Variants in UTS2B observed in about 807,000 individuals in gnomAD.
The protein encoded by UTS2B is urotensin-2B.
UTS2B carries 21 observed loss-of-function variants against 19.2 expected under a neutral mutation model. The ratio of observed to expected loss-of-function variants is 1.09; its 90% CI spans 0.78 to 1.58. The LOEUF is 1.58. Among genes scored for constraint, UTS2B ranks in the 40% most tolerant of loss-of-function variants. The pLI is 0.00. For missense variants in UTS2B, 138 were observed against 130.3 expected, an observed-to-expected ratio of 1.06 and a Z score of -0.29; for synonymous variants, 57 against 50.2, an observed-to-expected ratio of 1.14 and a Z score of -0.58.
upstream of UTS2B, among the ~76,000 whole-genome samples, chr3:191,332,583 T>C (rs1294385171): frequency 6.6e-6 from 1 of 152,228 alleles, no homozygotes; most frequent in Non-Finnish European, 1.5e-5. Flanking sequence ...GGTCTATAAC[T>C]GAAATGCAAA....
At chr3:191,333,379 A>T (rs1718050576), upstream of UTS2B, among the ~76,000 whole-genome samples, 1 of 152,190 alleles carries the variant, frequency 6.6e-6, no homozygotes, top group African/African-American at 2.4e-5. Flanking sequence ...AAGATATAAA[A>T]TTATGTCTGG....
At chr3:191,325,848 C>A (rs1031603404) in intron 2 of UTS2B, among the ~76,000 whole-genome samples, 1 of 152,194 alleles carries the variant, frequency 6.6e-6, no homozygotes, top group Non-Finnish European at 1.5e-5. Context: ...GTTCTGACAC[C>A]TTGCTCTTGG....
upstream of UTS2B, among the ~76,000 whole-genome samples, chr3:191,332,769 A>G (rs746150174): frequency 1.3e-5 from 2 of 152,232 alleles, no homozygotes; most frequent in Non-Finnish European, 2.9e-5. Flanking sequence ...TTTCTGAACC[A>G]GCAATCAAGA....
At chr3:191,268,532 G>C in intron 8 of UTS2B, 91 bp from the exon 9 acceptor site, 1 of 878,566 alleles carries the variant, frequency 1.1e-6, no homozygotes, top group Non-Finnish European at 1.7e-6. Context: ...CTGAATGCGA[G>C]AGTTAAGTTT....
At chr3:191,284,529 TCA>T (rs3048627) in intron 4 of UTS2B, among the ~76,000 whole-genome samples, 75,646 of 149,954 alleles carry the variant, frequency 0.5, 20,787 homozygotes, top group Middle Eastern at 0.62. Context: ...ACCATGCTGG[TCA>T]CACGCTGGTC....
intron 3 of UTS2B, among the ~76,000 whole-genome samples, chr3:191,310,854 T>G (rs992412883): frequency 6.6e-5 from 10 of 152,218 alleles, no homozygotes; most frequent in African/African-American, 2.4e-4. Context: ...CTACATCTCT[T>G]AAATATTTGA....
chr3:191,317,769 G>A (rs986416023), intron 2 of UTS2B, among the ~76,000 whole-genome samples: 4 of 152,174 alleles, frequency 2.6e-5, no homozygotes, highest in East Asian at 3.9e-4. Flanking sequence ...TAGTAGAGAC[G>A]GTGTTTCAGC....
intron 8 of UTS2B, among the ~76,000 whole-genome samples, chr3:191,272,901 A>G (rs753132688): frequency 8.7e-5 from 13 of 149,976 alleles, no homozygotes; most frequent in Non-Finnish European, 4.4e-5. Context: ...ACAGTGCCTC[A>G]TGTCTGTAAT....
intron 2 of UTS2B, chr3:191,328,342 TG>T (rs1375198965): frequency 1.3e-5 from 2 of 152,270 alleles, no homozygotes; most frequent in Non-Finnish European, 2.9e-5. Context: ...CCAGCTGCTC[TG>T]GGGATATCCT....
intron 3 of UTS2B, among the ~76,000 whole-genome samples, chr3:191,310,484 G>A (rs1160133731): frequency 1.3e-5 from 2 of 152,186 alleles, no homozygotes; most frequent in East Asian, 3.8e-4. Context: ...TATTTAGTGT[G>A]CAGAAATCAT....
At chr3:191,296,816 A>G (rs1716869461) in intron 4 of UTS2B, among the ~76,000 whole-genome samples, 1 of 152,202 alleles carries the variant, frequency 6.6e-6, no homozygotes, top group Non-Finnish European at 1.5e-5. Context: ...TGCCTAGAGG[A>G]AAAGATAGCA....
rs74614276 is a variant in UTS2B, at chr3:191,322,630, G to T, written c.-586+6001C>A. 1.3e-3 allele frequency among the ~76,000 whole-genome samples: 192 copies of T among 152,208 alleles called. 3 individuals are homozygous for T. The East Asian group carries it at 0.035, about 27-fold the overall frequency. On this transcript the variant is annotated intron_variant, in intron 2 of 8. Coordinates refer to ENST00000340524, the MANE Select transcript of UTS2B (RefSeq NM_198152.5). ...GAGCAGAAAACTATAATAGCTGAAG[G>T]GGACTGGAGATATGACAAATGTTTG...
chr3:191,269,174 C>T (rs987334505), intron 8 of UTS2B, among the ~76,000 whole-genome samples: 1 of 152,112 alleles, frequency 6.6e-6, no homozygotes, highest in Non-Finnish European at 1.5e-5. Context: ...AAAACTAAGC[C>T]CCTTGGGAGA....
At chr3:191,336,188 C>A in the UTS2B span, among the ~76,000 whole-genome samples, 3 of 150,300 alleles carry the variant, frequency 2.0e-5, no homozygotes, top group Non-Finnish European at 4.4e-5. Context: ...TTGTTTCCCT[C>A]GAATGGACTT....
intron 8 of UTS2B, among the ~76,000 whole-genome samples, chr3:191,274,927 T>C (rs1220518456): frequency 2.0e-5 from 3 of 152,236 alleles, no homozygotes; most frequent in African/African-American, 7.2e-5. Context: ...GAATTTTAAA[T>C]TGACTTAAAA....
intron 2 of UTS2B, among the ~76,000 whole-genome samples, chr3:191,323,341 G>C (rs890273147): frequency 1.3e-5 from 2 of 151,952 alleles, no homozygotes; most frequent in African/African-American, 4.8e-5. Context: ...GCTAATTCTT[G>C]TATTTTTAGT....
chr3:191,291,144 C>A (rs1311573753), intron 4 of UTS2B, among the ~76,000 whole-genome samples: 1 of 151,908 alleles, frequency 6.6e-6, no homozygotes, highest in Admixed American at 6.6e-5. Context: ...AAATACTTGG[C>A]CCTTTTTAAA....
chr3:191,275,920 G>T (rs1244220183), intron 7 of UTS2B, among the ~76,000 whole-genome samples: 2 of 152,100 alleles, frequency 1.3e-5, no homozygotes, highest in African/African-American at 4.8e-5. Context: ...AACAGGTTTT[G>T]GGCAAAGGAA....
At chr3:191,294,070 T>G (rs1716793780) in intron 4 of UTS2B, among the ~76,000 whole-genome samples, 1 of 151,736 alleles carries the variant, frequency 6.6e-6, no homozygotes, top group Non-Finnish European at 1.5e-5. Context: ...ATCGCGCCAT[T>G]GCACTCCAGC....
Sources: gnomAD v4.1 joint callset for allele counts (sites outside exome capture counted in the v4.1 genomes callset) on GRCh38, gnomAD v4.1.1 for gene constraint, MANE v1.5 for transcripts, NCBI Gene and HGNC (gene_info 2026-07-23, HGNC 2026-07-21) for gene names.